Variants in TNRC6C observed in about 807,000 individuals in gnomAD.
TNRC6C encodes trinucleotide repeat containing adaptor 6C, also known as trinucleotide repeat-containing gene 6C protein.
Under a neutral mutation model 153.7 loss-of-function variants are expected in TNRC6C, and 20 were observed. The ratio of observed to expected loss-of-function variants is 0.13; its 90% CI spans 0.09 to 0.19. The LOEUF is 0.19. Among genes scored for constraint, TNRC6C ranks in the 10% least tolerant of loss-of-function variants. The probability of loss-of-function intolerance (pLI) is 1.00; values close to 1 mark genes in which losing one functional copy is unlikely to be tolerated. For synonymous variants in TNRC6C, 811 were observed against 841.4 expected (o/e 0.96, Z 0.63); for missense variants, 1,987 against 2,172.0 (o/e 0.91, Z 1.69).
rs146379676 is a variant in TNRC6C, at chr17:78,036,452, G to A, written c.-219+4610G>A. On this transcript the variant is annotated intron_variant, in intron 2 of 19. Transcript: ENST00000301624. ...TGTACTGTGCTAATGGAAAACTTAC[G>A]TGTCCATTCCAGTAAACAGAGAGGA... 3.9e-5 allele frequency among the ~76,000 whole-genome samples: 6 copies of A among 152,256 alleles called. No individual in the cohort carries two copies. In the East Asian group the frequency reaches 9.6e-4, roughly 24 times the overall value.
intron 1 of TNRC6C, among the ~76,000 whole-genome samples, chr17:77,997,596 A>G (rs2071347460): frequency 6.6e-6 from 1 of 152,134 alleles, no homozygotes; most frequent in Non-Finnish European, 1.5e-5. Context: ...GAGCGGAGGC[A>G]TGAGGGAAGG....
chr17:78,083,187 A>C, intron 11 of TNRC6C, 21 bp downstream of exon 13: 1 of 1,613,170 alleles, frequency 6.2e-7, no homozygotes, highest in Non-Finnish European at 8.5e-7. Context: ...AGACCCATGC[A>C]AGTTAGAGCA....
At chr17:78,027,268 G>A (rs1339334040) in intron 1 of TNRC6C, among the ~76,000 whole-genome samples, 1 of 152,134 alleles carries the variant, frequency 6.6e-6, no homozygotes, top group Non-Finnish European at 1.5e-5. Flanking sequence ...GGAGAGAGTG[G>A]GAGGAGCTGG....
At chr17:78,090,345 C>A (rs2073371502) in intron 13 of TNRC6C, among the ~76,000 whole-genome samples, 1 of 152,216 alleles carries the variant, frequency 6.6e-6, no homozygotes, top group Non-Finnish European at 1.5e-5. Flanking sequence ...GCATGGCCCA[C>A]CTGGCTCCTA....
chr17:78,004,198 G>T, upstream of TNRC6C: 1 of 1,231,434 alleles, frequency 8.1e-7, no homozygotes, highest in South Asian at 4.1e-5. Context: ...ACAAGAAGAG[G>T]AACGTTTGAT....
chr17:77,968,343 GGTT>G (rs1221685424), intron 1 of TNRC6C, among the ~76,000 whole-genome samples: 25 of 148,318 alleles, frequency 1.7e-4, no homozygotes, highest in African/African-American at 4.2e-4. Context: ...AGATGTAGTG[GGTT>G]GTTGTTGTTG....
intron 2 of TNRC6C, among the ~76,000 whole-genome samples, chr17:78,047,062 C>T (rs1417018743): frequency 1.3e-5 from 2 of 151,990 alleles, no homozygotes; most frequent in Non-Finnish European, 2.9e-5. Flanking sequence ...GTGTGGGTTG[C>T]AGTGAGTGCT....
intron 1 of TNRC6C, among the ~76,000 whole-genome samples, chr17:77,982,720 A>G (rs1346793170): frequency 1.3e-5 from 2 of 152,166 alleles, no homozygotes; most frequent in African/African-American, 4.8e-5. Context: ...AGTCCCAGCT[A>G]CTCGGGAGGC....
At chr17:78,051,163 CAGA>C (rs1373528230) in exon 3 of TNRC6C, 3 of 1,576,802 alleles carry the variant, frequency 1.9e-6, no homozygotes, top group Non-Finnish European at 2.6e-6. Flanking sequence ...ACCGGTCAAA[CAGA>C]AGGACAGCAG....
intron 14 of TNRC6C, among the ~76,000 whole-genome samples, chr17:78,092,380 G>A (rs143111093): frequency 1.5e-3 from 234 of 152,290 alleles, no homozygotes; most frequent in African/African-American, 5.2e-3. Context: ...GTGTTCTTCC[G>A]TAGTGAGGGT....
chr17:78,023,361 A>G (rs1016954786), intron 1 of TNRC6C, among the ~76,000 whole-genome samples: 16 of 152,174 alleles, frequency 1.1e-4, no homozygotes, highest in East Asian at 1.9e-4. Flanking sequence ...TTTCATCACA[A>G]AAATTTCTGT....
intron 13 of TNRC6C, among the ~76,000 whole-genome samples, chr17:78,088,273 C>T (rs16970795): frequency 0.021 from 3,218 of 152,196 alleles, 113 homozygotes; most frequent in African/African-American, 0.072. Context: ...CCCTTTGTGT[C>T]GAAGTAGGTA....
upstream of TNRC6C, among the ~76,000 whole-genome samples, chr17:77,999,632 G>A (rs1323269276): frequency 6.6e-6 from 1 of 152,182 alleles, no homozygotes; most frequent in Non-Finnish European, 1.5e-5. Flanking sequence ...GCTTAAAGCA[G>A]TGCACATCCA....
intron 1 of TNRC6C, among the ~76,000 whole-genome samples, chr17:78,025,857 C>T (rs552325498): frequency 1.1e-4 from 16 of 152,200 alleles, no homozygotes; most frequent in African/African-American, 3.1e-4. Context: ...AGAGGAAATC[C>T]GTGGACTCTG....
intron 1 of TNRC6C, among the ~76,000 whole-genome samples, chr17:77,982,493 AT>A (rs1357704256): frequency 6.6e-6 from 1 of 152,160 alleles, no homozygotes; most frequent in Non-Finnish European, 1.5e-5. Flanking sequence ...AATAAAAACC[AT>A]TTACTGTCCA....
At chr17:78,087,338 G>T (rs1437647354) in intron 13 of TNRC6C, among the ~76,000 whole-genome samples, 5 of 151,932 alleles carry the variant, frequency 3.3e-5, no homozygotes, top group Admixed American at 3.3e-4. Context: ...GGCTGGTCTT[G>T]AACTCCTGGG....
intron 13 of TNRC6C, among the ~76,000 whole-genome samples, chr17:78,088,845 G>A (rs1159631174): frequency 6.7e-6 from 1 of 150,134 alleles, no homozygotes; most frequent in Non-Finnish European, 1.5e-5. Flanking sequence ...AAGTGCTTCT[G>A]TTTTAGAAAC....
chr17:77,995,197 A>G (rs2071309840), intron 1 of TNRC6C, among the ~76,000 whole-genome samples: 1 of 152,238 alleles, frequency 6.6e-6, no homozygotes, highest in Admixed American at 6.5e-5. Context: ...GATCACAGCC[A>G]TGGCTCACGG....
intron 4 of TNRC6C, among the ~76,000 whole-genome samples, chr17:78,065,220 C>T (rs771986913): frequency 6.6e-6 from 1 of 151,958 alleles, no homozygotes; most frequent in Non-Finnish European, 1.5e-5. Context: ...GGCATGGTGG[C>T]ACATGCCTGT....
Sources: allele counts gnomAD v4.1 joint callset (sites outside exome capture counted in the v4.1 genomes callset), GRCh38; gene constraint gnomAD v4.1.1; transcripts MANE v1.5; gene names NCBI Gene and HGNC (gene_info 2026-07-23, HGNC 2026-07-21).